Variants in C1orf105 observed in about 807,000 individuals in gnomAD.
C1orf105 encodes uncharacterized protein C1orf105.
In C1orf105, 17 loss-of-function variants were observed where a neutral mutation model predicts 20.8. That is an observed-to-expected ratio of 0.82 (90% CI 0.56 to 1.23). The LOEUF is 1.23. C1orf105 is among the 50% of genes most tolerant of loss of function. The pLI, the probability that C1orf105 is intolerant of heterozygous loss-of-function variation, is 0.00. For synonymous variants in C1orf105, 72 were observed against 72.1 expected (o/e 1.00, Z 0.01); for missense variants, 219 against 213.5 (o/e 1.03, Z -0.16).
Position 172,441,887 on chromosome 1 carries a change from T to G in C1orf105, c.22-3186T>G, listed in dbSNP as rs756863713. The G allele has an allele frequency of 6.2e-7, 1 of 1,614,198 alleles. No homozygotes were observed. Reference sequence around the variant, plus strand: ...AAGAGTACGGCTCCCACAGCACTAATGGACAGTAGGCCTCCCACGGCTGAA... The same window carrying G: ...AAGAGTACGGCTCCCACAGCACTAAGGGACAGTAGGCCTCCCACGGCTGAA... On this transcript the variant is annotated intron_variant, in intron 1 of 6. Coordinates refer to ENST00000367727, the MANE Select transcript of C1orf105 (RefSeq NM_139240.4).
intron 6 of C1orf105, chr1:172,465,785 T>C (rs1650005399): frequency 2.4e-6 from 1 of 409,288 alleles, no homozygotes; most frequent in African/African-American, 2.1e-5. Flanking sequence ...CTCCCTAAAA[T>C]ACCTGCCTTC....
intron 4 of C1orf105, among the ~76,000 whole-genome samples, chr1:172,457,867 G>A (rs1406824275): frequency 2.0e-5 from 3 of 152,220 alleles, no homozygotes; most frequent in Non-Finnish European, 4.4e-5. Flanking sequence ...CTGTACTGCT[G>A]TCAGAACCTG....
At chr1:172,442,146 G>A (rs1387191886) in intron 1 of C1orf105, 15 of 1,614,184 alleles carry the variant, frequency 9.3e-6, no homozygotes, top group Middle Eastern at 3.3e-4. Flanking sequence ...AGATGAGATG[G>A]CCTAACAGCA....
At chr1:172,430,328 T>C (rs1333041249) in intron 1 of C1orf105, 1 of 702,016 alleles carries the variant, frequency 1.4e-6, no homozygotes, top group Non-Finnish European at 2.6e-6. Flanking sequence ...CAAAGAGGCA[T>C]GCCACAGGTG....
intron 4 of C1orf105, among the ~76,000 whole-genome samples, chr1:172,460,952 C>A (rs1258034933): frequency 6.6e-6 from 1 of 152,178 alleles, no homozygotes. Context: ...ATAGCGCTAG[C>A]TGGATTTAGG....
At chr1:172,430,303 T>C (rs1380494065) in intron 1 of C1orf105, 3 of 702,078 alleles carry the variant, frequency 4.3e-6, no homozygotes, top group Non-Finnish European at 7.8e-6. Context: ...CCTGAATCCT[T>C]GTGCCAGCAG....
Position 172,448,537 on chromosome 1 carries a change from A to G in C1orf105, c.198+6A>G, listed in dbSNP as rs533944254. On this transcript the variant is annotated splice_donor_region_variant and intron_variant, in intron 3 of 6. Transcript: ENST00000367727. Reference sequence around the variant, plus strand: ...TTCCAGATGTTTTATCTAAGGTACTAAAAAATTTTTGTTGAAATGAAACCA... The same window carrying G: ...TTCCAGATGTTTTATCTAAGGTACTGAAAAATTTTTGTTGAAATGAAACCA... 1,103 of 1,578,994 alleles carry G rather than the reference A, an allele frequency of 7.0e-4. 18 individuals carry two copies. The South Asian group carries it at 0.012, about 17-fold the overall frequency.
chr1:172,434,731 C>A (rs2071982117), intron 1 of C1orf105, among the ~76,000 whole-genome samples: 3 of 151,976 alleles, frequency 2.0e-5, no homozygotes. Context: ...TAGCAGAAGG[C>A]AAGAAATAAC....
intron 2 of C1orf105, 121 bp from the exon 3 acceptor site, chr1:172,448,320 C>T: frequency 1.5e-6 from 1 of 684,232 alleles, no homozygotes; most frequent in Non-Finnish European, 2.6e-6. Flanking sequence ...CTGAGTGCTC[C>T]AGAACTGGAG....
chr1:172,468,027 A>G (rs1424958434), intron 6 of C1orf105, among the ~76,000 whole-genome samples: 1 of 152,116 alleles, frequency 6.6e-6, no homozygotes, highest in African/African-American at 2.4e-5. Context: ...TATTTTTTTA[A>G]AGAACAGAAC....
intron 3 of C1orf105, 101 bp downstream of exon 3, chr1:172,448,632 A>T: frequency 1.4e-6 from 1 of 694,324 alleles, no homozygotes. Flanking sequence ...TGTGCTTGGT[A>T]CACCATCAAT....
intron 3 of C1orf105, among the ~76,000 whole-genome samples, chr1:172,453,718 C>T (rs1262774663): frequency 6.6e-6 from 1 of 152,148 alleles, no homozygotes; most frequent in Non-Finnish European, 1.5e-5. Context: ...GAAATAAACA[C>T]ATTTAAAATC....
chr1:172,430,644 T>C (rs1455472421), intron 1 of C1orf105, among the ~76,000 whole-genome samples: 2 of 152,124 alleles, frequency 1.3e-5, no homozygotes, highest in African/African-American at 4.8e-5. Context: ...TCTCACTTTG[T>C]TGCCCAGGCT....
intron 1 of C1orf105, among the ~76,000 whole-genome samples, chr1:172,439,267 C>T (rs1174560042): frequency 1.3e-5 from 2 of 152,048 alleles, no homozygotes; most frequent in African/African-American, 4.8e-5. Flanking sequence ...TCTTCAAAAG[C>T]CCCTTAACTT....
At chr1:172,430,322 G>C (rs2071836253) in intron 1 of C1orf105, 1 of 701,838 alleles carries the variant, frequency 1.4e-6, no homozygotes, top group Admixed American at 2.0e-5. Context: ...AGCCCACAAA[G>C]AGGCATGCCA....
intron 1 of C1orf105, chr1:172,428,651 C>T (rs991012400): frequency 3.7e-6 from 2 of 535,598 alleles, no homozygotes; most frequent in Non-Finnish European, 6.5e-6. Context: ...ATGAGACCTA[C>T]TCTGACCTCT....
chr1:172,421,638 C>G (rs1403248739), intron 1 of C1orf105, among the ~76,000 whole-genome samples: 1 of 152,136 alleles, frequency 6.6e-6, no homozygotes, highest in East Asian at 1.9e-4. Context: ...GCACGAACAT[C>G]AAATTTAACA....
chr1:172,420,906 G>A lies in C1orf105; in HGVS notation c.21G>A (p.Lys7=), dbSNP rs377154547. The change falls in exon 1 of 7, where the codon AAG becomes AAA. Residue 7 remains lysine, a splice_region_variant and synonymous_variant. Coordinates refer to ENST00000367727, the MANE Select transcript of C1orf105 (RefSeq NM_139240.4). MEKREL[K]ASVPKFDKIP... is the part of the protein sequence containing the mutation. Reference sequence around the variant, plus strand: ...GAAAGATGGAAAAAAGAGAACTAAAGGTAGGAAAAAAATAAATGAAACTTC... The same window carrying A: ...GAAAGATGGAAAAAAGAGAACTAAAAGTAGGAAAAAAATAAATGAAACTTC... 11 of 1,608,812 alleles carry A rather than the reference G, an allele frequency of 6.8e-6. No homozygotes were observed. The highest frequency in any genetic ancestry group is 8.5e-6 in the Non-Finnish European group (10 of 1,175,938).
At chr1:172,448,306 T>C (rs1247584502) in intron 2 of C1orf105, 135 bp from the exon 3 acceptor site, 1 of 639,758 alleles carries the variant, frequency 1.6e-6, no homozygotes, top group Non-Finnish European at 2.8e-6. Context: ...AGCTCCCCAA[T>C]GGCCTGAGTG....
Sources: allele counts gnomAD v4.1 joint callset (sites outside exome capture counted in the v4.1 genomes callset), GRCh38; gene constraint gnomAD v4.1.1; transcripts MANE v1.5; gene names NCBI Gene and HGNC (gene_info 2026-07-23, HGNC 2026-07-21).